Variants in NRXN3 observed in about 807,000 individuals in gnomAD.
NRXN3 encodes the protein neurexin 3, also known as neurexin III.
In NRXN3, 32 loss-of-function variants were observed where a neutral mutation model predicts 137.6. The observed-to-expected ratio is 0.23, with a 90% CI of 0.18 to 0.31. The LOEUF (loss-of-function observed/expected upper bound fraction) is 0.31, where lower values mean the gene tolerates loss of function less well. Ranked by LOEUF, NRXN3 falls within the 10% of genes least tolerant of loss-of-function variation. The probability of loss-of-function intolerance (pLI) is 1.00; values close to 1 mark genes in which losing one functional copy is unlikely to be tolerated. For synonymous variants in NRXN3, 798 were observed against 784.5 expected, an observed-to-expected ratio of 1.02 and a Z score of -0.29; for missense variants, 1,574 against 2,062.5, an observed-to-expected ratio of 0.76 and a Z score of 4.59.
chr14:78,370,367 C>G (rs1184111214), intron 4 of NRXN3, among the ~76,000 whole-genome samples: 1 of 151,212 alleles, frequency 6.6e-6, no homozygotes, highest in Non-Finnish European at 1.5e-5. Flanking sequence ...GTCCTTTGGC[C>G]TCTGTTTGGT....
rs184503320 is a variant in NRXN3, at chr14:79,794,984, T to C, written c.4015-10128T>C. On this transcript the variant is annotated intron_variant, in intron 19 of 20. Transcript: ENST00000335750. Reference sequence around the variant, plus strand: ...AGATAAATGATTAGGAATTTCAAGATGGTAAGAGCAGAGCATACAACCTAA... The same window carrying C: ...AGATAAATGATTAGGAATTTCAAGACGGTAAGAGCAGAGCATACAACCTAA... 3.9e-4 allele frequency among the ~76,000 whole-genome samples: 60 copies of C among 152,278 alleles called. 1 individual carries two copies. The East Asian group carries it at 9.1e-3, about 23-fold the overall frequency.
chr14:79,569,505 G>C (rs1374877567), intron 16 of NRXN3, among the ~76,000 whole-genome samples: 1 of 152,116 alleles, frequency 6.6e-6, no homozygotes, highest in Non-Finnish European at 1.5e-5. Context: ...TTTGACTTAA[G>C]TTTAGAAATT....
chr14:78,652,712 G>A (rs549261568), intron 6 of NRXN3, among the ~76,000 whole-genome samples: 78 of 152,334 alleles, frequency 5.1e-4, no homozygotes, highest in African/African-American at 1.7e-3. Context: ...CCTTGTCCAG[G>A]CAGGAATTGT....
At chr14:78,201,126 T>C (rs1445149735) in intron 1 of NRXN3, among the ~76,000 whole-genome samples, 3 of 152,184 alleles carry the variant, frequency 2.0e-5, no homozygotes, top group Non-Finnish European at 2.9e-5. Flanking sequence ...AACATTAATA[T>C]TGGAAGTGAC....
At chr14:78,321,239 G>A (rs958426116) in intron 4 of NRXN3, among the ~76,000 whole-genome samples, 3 of 152,012 alleles carry the variant, frequency 2.0e-5, no homozygotes, top group African/African-American at 2.4e-5. Flanking sequence ...CCAGTGTCTC[G>A]TGCATGCTGC....
intron 20 of NRXN3, among the ~76,000 whole-genome samples, chr14:79,839,721 T>C (rs1001517402): frequency 3.9e-5 from 6 of 152,186 alleles, no homozygotes; most frequent in African/African-American, 1.4e-4. Flanking sequence ...TCTTTGCCCA[T>C]ACCAATGTCT....
intron 4 of NRXN3, among the ~76,000 whole-genome samples, chr14:78,343,883 C>T (rs1314020064): frequency 2.0e-5 from 3 of 152,300 alleles, no homozygotes; most frequent in East Asian, 1.9e-4. Context: ...GATTCAGTTG[C>T]AATGAAGGTT....
intron 19 of NRXN3, among the ~76,000 whole-genome samples, 196 bp from the exon 20 acceptor site, chr14:79,804,916 T>C (rs2099197865): frequency 6.6e-6 from 1 of 152,188 alleles, no homozygotes. Flanking sequence ...TAAGACGGTC[T>C]AGACCCAGAG....
At chr14:79,397,121 A>T (rs2095049411) in intron 15 of NRXN3, among the ~76,000 whole-genome samples, 1 of 151,982 alleles carries the variant, frequency 6.6e-6, no homozygotes, top group Admixed American at 6.6e-5. Context: ...GAAAATAGGG[A>T]TTTTTCCTTC....
intron 4 of NRXN3, among the ~76,000 whole-genome samples, chr14:78,512,683 T>C (rs913653115): frequency 6.6e-6 from 1 of 152,098 alleles, no homozygotes; most frequent in African/African-American, 2.4e-5. Flanking sequence ...CACAGGAAGA[T>C]AGAGAAAAGG....
chr14:79,167,182 A>G (rs911700858), intron 15 of NRXN3, among the ~76,000 whole-genome samples: 2 of 152,026 alleles, frequency 1.3e-5, no homozygotes, highest in African/African-American at 2.4e-5. Context: ...GCCACATGAT[A>G]TGTTATGAAG....
intron 8 of NRXN3, among the ~76,000 whole-genome samples, chr14:78,760,580 T>C (rs1192370457): frequency 1.3e-5 from 2 of 150,920 alleles, no homozygotes; most frequent in African/African-American, 4.9e-5. Flanking sequence ...ACAGCAAGAA[T>C]TGAACATACA....
chr14:78,993,818 G>A (rs968377022), intron 15 of NRXN3, among the ~76,000 whole-genome samples: 4 of 133,274 alleles, frequency 3.0e-5, no homozygotes, highest in Non-Finnish European at 6.5e-5. Context: ...GGTTTTCATT[G>A]AAGATGAGCC....
chr14:78,663,510 A>G (rs2097856896), intron 6 of NRXN3, among the ~76,000 whole-genome samples: 2 of 152,190 alleles, frequency 1.3e-5, no homozygotes, highest in African/African-American at 4.8e-5. Flanking sequence ...CTCTTAGTAT[A>G]AATGCCAAGC....
At chr14:79,234,296 ATATATAT>A (rs2072829364) in intron 15 of NRXN3, among the ~76,000 whole-genome samples, 2 of 4,754 alleles carry the variant, frequency 4.2e-4, no homozygotes, top group Non-Finnish European at 9.3e-4. Context: ...AATGGTAAAT[ATATATAT>A]ATATATATAT....
intron 10 of NRXN3, among the ~76,000 whole-genome samples, chr14:78,887,580 A>G (rs1335310859): frequency 6.6e-6 from 1 of 152,050 alleles, no homozygotes; most frequent in East Asian, 1.9e-4. Context: ...TGAATGTGCT[A>G]TAGACATTCC....
chr14:79,633,328 G>A (rs1293367174), intron 16 of NRXN3: 2 of 152,098 alleles, frequency 1.3e-5, no homozygotes, highest in African/African-American at 4.8e-5. Context: ...ACTTCCCTAT[G>A]AGCTGTTGCT....
At chr14:78,674,603 T>G (rs1318183175) in intron 6 of NRXN3, among the ~76,000 whole-genome samples, 2 of 152,152 alleles carry the variant, frequency 1.3e-5, no homozygotes, top group Non-Finnish European at 2.9e-5. Context: ...GAAGTTGTGG[T>G]TTCGGTGCTG....
At chr14:78,392,346 C>T (rs1412797484) in intron 4 of NRXN3, among the ~76,000 whole-genome samples, 3 of 152,178 alleles carry the variant, frequency 2.0e-5, no homozygotes, top group Non-Finnish European at 2.9e-5. Context: ...CCTCAAAGAT[C>T]GTAAGCCCTA....
Sources: gnomAD v4.1 joint callset for allele counts (sites outside exome capture counted in the v4.1 genomes callset) on GRCh38, gnomAD v4.1.1 for gene constraint, MANE v1.5 for transcripts, NCBI Gene and HGNC (gene_info 2026-07-23, HGNC 2026-07-21) for gene names.